The following KCNIP4 variants were observed in gnomAD, a reference collection of about 807,000 sequenced individuals.
The protein encoded by KCNIP4 is Kv channel-interacting protein 4.
In KCNIP4, 12 loss-of-function variants were observed where a neutral mutation model predicts 34.0. That is an observed-to-expected ratio of 0.35 (90% confidence interval 0.23 to 0.57). The LOEUF is 0.57. Ranked by LOEUF, KCNIP4 falls within the 20% of genes least tolerant of loss-of-function variation. The pLI is 0.83. For synonymous variants in KCNIP4, 124 were observed against 102.2 expected (o/e 1.21, Z -1.29); for missense variants, 238 against 311.7 (o/e 0.76, Z 1.78).
intron 1 of KCNIP4, among the ~76,000 whole-genome samples, chr4:21,378,770 C>T (rs1430557542): frequency 6.6e-6 from 1 of 151,996 alleles, no homozygotes; most frequent in Non-Finnish European, 1.5e-5. Context: ...GAAATTTAGT[C>T]TTTTATAAAT....
rs1003471650 is a variant in KCNIP4 at position 20,964,254 on chromosome 4, C to T, written c.62-81545G>A. Among the ~76,000 whole-genome samples the T allele has an allele frequency of 5.9e-5, 9 of 152,220 alleles. No homozygotes were observed. In the South Asian group the frequency reaches 1.9e-3, roughly 32 times the overall value. On this transcript the variant is annotated intron_variant, in intron 1 of 8. Coordinates refer to ENST00000382152, the MANE Select transcript of KCNIP4 (RefSeq NM_025221.6). ...AACACAGAATGTGTAAATGGTGGAA[C>T]AAGAATTCAAACCCACATCTGACTT...
At chr4:21,076,065 T>G (rs2109010058) in intron 1 of KCNIP4, among the ~76,000 whole-genome samples, 1 of 152,274 alleles carries the variant, frequency 6.6e-6, no homozygotes, top group East Asian at 1.9e-4. Context: ...CTGGCTACAC[T>G]TAACATTTTT....
At chr4:21,686,824 T>A (rs1336322832) in intron 1 of KCNIP4, among the ~76,000 whole-genome samples, 1 of 152,090 alleles carries the variant, frequency 6.6e-6, no homozygotes, top group Non-Finnish European at 1.5e-5. Flanking sequence ...ACTGGGTATA[T>A]ACCCAAATGA....
At chr4:21,876,669 G>T (rs562727262) in intron 1 of KCNIP4, among the ~76,000 whole-genome samples, 2 of 152,282 alleles carry the variant, frequency 1.3e-5, no homozygotes, top group Non-Finnish European at 2.9e-5. Context: ...ACTGCCTCAT[G>T]AAAGTCTTTG....
intron 1 of KCNIP4, among the ~76,000 whole-genome samples, chr4:21,893,439 T>C (rs1040378275): frequency 2.0e-5 from 3 of 152,192 alleles, no homozygotes; most frequent in Non-Finnish European, 4.4e-5. Flanking sequence ...ACTTATAAAA[T>C]TGCTAGACCT....
At chr4:20,734,774 TAAAAA>T in intron 5 of KCNIP4, 39 bp from the exon 6 acceptor site, 1 of 1,290,954 alleles carries the variant, frequency 7.7e-7, no homozygotes, top group Non-Finnish European at 1.1e-6. Context: ...ATGACATTTT[TAAAAA>T]AACAAAAACA....
chr4:21,403,337 T>TC (rs1723696152), intron 1 of KCNIP4, among the ~76,000 whole-genome samples: 1 of 152,208 alleles, frequency 6.6e-6, no homozygotes. Context: ...ATAACCAATT[T>TC]CCACTGCTAT....
At chr4:20,976,783 TAAC>T (rs1434649551) in intron 1 of KCNIP4, among the ~76,000 whole-genome samples, 1 of 152,158 alleles carries the variant, frequency 6.6e-6, no homozygotes, top group African/African-American at 2.4e-5. Flanking sequence ...TTGATCAATA[TAAC>T]AACAAGAGCA....
chr4:21,203,936 T>G (rs1218722392), intron 1 of KCNIP4, among the ~76,000 whole-genome samples: 1 of 152,180 alleles, frequency 6.6e-6, no homozygotes, highest in Non-Finnish European at 1.5e-5. Flanking sequence ...CTTTTTCCCC[T>G]TCTCCGTCCC....
At chr4:20,895,537 T>A (rs183302943) in intron 1 of KCNIP4, among the ~76,000 whole-genome samples, 238 of 152,332 alleles carry the variant, frequency 1.6e-3, no homozygotes, top group African/African-American at 5.4e-3. Context: ...TCCATTATAA[T>A]TTTTGATGTG....
At chr4:21,677,634 C>T (rs1205419555) in intron 1 of KCNIP4, among the ~76,000 whole-genome samples, 1 of 152,206 alleles carries the variant, frequency 6.6e-6, no homozygotes, top group Non-Finnish European at 1.5e-5. Context: ...ATGACCCCTC[C>T]CTGATCCATA....
At chr4:20,777,615 A>G (rs958092423) in intron 3 of KCNIP4, among the ~76,000 whole-genome samples, 1 of 152,212 alleles carries the variant, frequency 6.6e-6, no homozygotes, top group Non-Finnish European at 1.5e-5. Context: ...TGGACTTCCC[A>G]TCCTCCAGAA....
chr4:21,442,341 G>T (rs1337550482), intron 1 of KCNIP4, among the ~76,000 whole-genome samples: 1 of 152,168 alleles, frequency 6.6e-6, no homozygotes, highest in Non-Finnish European at 1.5e-5. Flanking sequence ...ATCCACTGGG[G>T]TAATCAAAAT....
intron 1 of KCNIP4, among the ~76,000 whole-genome samples, chr4:21,894,367 G>A (rs910192607): frequency 1.4e-5 from 2 of 141,342 alleles, no homozygotes; most frequent in African/African-American, 2.5e-5. Context: ...ATAAAACAAC[G>A]AAAAGCTACT....
At chr4:21,213,206 C>T (rs1477043544) in intron 1 of KCNIP4, among the ~76,000 whole-genome samples, 4 of 152,100 alleles carry the variant, frequency 2.6e-5, no homozygotes. Context: ...CTTCTCAAAA[C>T]CTGGTGAAAT....
chr4:21,156,826 T>C (rs1753177531), intron 1 of KCNIP4, among the ~76,000 whole-genome samples: 1 of 152,170 alleles, frequency 6.6e-6, no homozygotes, highest in Non-Finnish European at 1.5e-5. Context: ...TTGAGGTGTG[T>C]TGTTCATGTT....
intron 1 of KCNIP4, among the ~76,000 whole-genome samples, chr4:21,528,496 G>T (rs1302277574): frequency 6.6e-6 from 1 of 151,422 alleles, no homozygotes; most frequent in African/African-American, 2.4e-5. Context: ...GTGAAACCCT[G>T]TCTCTACCAA....
chr4:20,989,730 A>T (rs1021761169), intron 1 of KCNIP4, among the ~76,000 whole-genome samples: 4 of 152,090 alleles, frequency 2.6e-5, no homozygotes, highest in African/African-American at 9.7e-5. Flanking sequence ...GCACTTTGGG[A>T]GGTTGAGGTG....
At chr4:21,307,125 G>A (rs867324696) in intron 1 of KCNIP4, among the ~76,000 whole-genome samples, 82 of 152,104 alleles carry the variant, frequency 5.4e-4, no homozygotes, top group Admixed American at 4.6e-3. Context: ...CCTGGCAACC[G>A]TGCCGGGCCG....
Sources: allele counts gnomAD v4.1 joint callset (sites outside exome capture counted in the v4.1 genomes callset), GRCh38; gene constraint gnomAD v4.1.1; transcripts MANE v1.5; gene names NCBI Gene and HGNC (gene_info 2026-07-23, HGNC 2026-07-21).